EPM2A: variants seen among roughly 807,000 people sequenced by gnomAD.
The protein encoded by EPM2A is laforin.
In EPM2A, 21 loss-of-function variants were observed where a neutral mutation model predicts 26.5. That is an observed-to-expected ratio of 0.79 (90% confidence interval 0.56 to 1.14). EPM2A has a LOEUF of 1.14. EPM2A is among the 50% of genes most tolerant of loss of function. The pLI, the probability that EPM2A is intolerant of heterozygous loss-of-function variation, is 0.00. For missense variants in EPM2A, 458 were observed against 440.8 expected, an observed-to-expected ratio of 1.04 and a Z score of -0.35; for synonymous variants, 217 against 177.6, an observed-to-expected ratio of 1.22 and a Z score of -1.76.
chr6:145,580,775 G>T (rs774431461), intron 2 of EPM2A, among the ~76,000 whole-genome samples: 32 of 152,018 alleles, frequency 2.1e-4, no homozygotes, highest in Admixed American at 6.5e-4. Flanking sequence ...GTCGTATTTG[G>T]TTTCTGCTCC....
chr6:145,682,632 T>C (rs1780627559), intron 2 of EPM2A: 1 of 152,186 alleles, frequency 6.6e-6, no homozygotes, highest in African/African-American at 2.4e-5. Flanking sequence ...TGTCTCTCCA[T>C]TATTGATGGT....
intron 2 of EPM2A, among the ~76,000 whole-genome samples, chr6:145,595,381 T>A (rs1781328683): frequency 6.6e-6 from 1 of 151,750 alleles, no homozygotes; most frequent in Admixed American, 6.6e-5. Flanking sequence ...ACTATAGGAA[T>A]AGATATTTCT....
chr6:145,608,403 C>T (rs1267162410), intron 2 of EPM2A, among the ~76,000 whole-genome samples: 1 of 152,166 alleles, frequency 6.6e-6, no homozygotes, highest in African/African-American at 2.4e-5. Context: ...ATGTTAAAAA[C>T]TATTTCATTA....
intron 1 of EPM2A, among the ~76,000 whole-genome samples, chr6:145,719,640 T>C (rs914272958): frequency 6.6e-6 from 1 of 152,028 alleles, no homozygotes; most frequent in South Asian, 2.1e-4. Flanking sequence ...AATAAATAAA[T>C]AAAAACATTG....
At chr6:145,506,165 G>A (rs9403710) in intron 2 of EPM2A, among the ~76,000 whole-genome samples, 1 of 152,214 alleles carries the variant, frequency 6.6e-6, no homozygotes, top group East Asian at 1.9e-4. Context: ...TTGGTTTAGG[G>A]AGCATAGTTG....
chr6:145,450,767 T>C, intron 4 of EPM2A, among the ~76,000 whole-genome samples: 1 of 152,216 alleles, frequency 6.6e-6, no homozygotes. Context: ...TCCTCCTCTC[T>C]ATACCATGAC....
chr6:145,717,551 C>G (rs1445288245), intron 1 of EPM2A, among the ~76,000 whole-genome samples: 2 of 152,162 alleles, frequency 1.3e-5, no homozygotes, highest in Non-Finnish European at 2.9e-5. Context: ...CCTTTGAAAA[C>G]TGGCACAAGA....
intron 1 of EPM2A, among the ~76,000 whole-genome samples, chr6:145,718,846 T>C (rs773330962): frequency 2.0e-5 from 3 of 152,136 alleles, no homozygotes; most frequent in African/African-American, 7.2e-5. Flanking sequence ...AGAAGACATT[T>C]ATGCAGCCAA....
At chr6:145,440,150 T>A (rs1779043735) in intron 4 of EPM2A, among the ~76,000 whole-genome samples, 2 of 152,160 alleles carry the variant, frequency 1.3e-5, no homozygotes, top group South Asian at 4.1e-4. Context: ...TGTACTCAGC[T>A]CCACATGGCT....
At chr6:145,681,679 G>T (rs913413337) in intron 2 of EPM2A, among the ~76,000 whole-genome samples, 1 of 151,690 alleles carries the variant, frequency 6.6e-6, no homozygotes, top group Non-Finnish European at 1.5e-5. Context: ...TTTTTCTCAG[G>T]TTTGTTAAAG....
chr6:145,545,347 C>A (rs930067500), intron 2 of EPM2A, among the ~76,000 whole-genome samples: 7 of 152,050 alleles, frequency 4.6e-5, no homozygotes, highest in African/African-American at 1.4e-4. Context: ...GTCAAGAAGC[C>A]AAGTCAAATC....
At chr6:145,515,750 C>T (rs1488322155) in intron 2 of EPM2A, among the ~76,000 whole-genome samples, 1 of 152,182 alleles carries the variant, frequency 6.6e-6, no homozygotes, top group Admixed American at 6.5e-5. Context: ...TAAGGCACCA[C>T]AATTTATAGG....
At chr6:145,631,392 T>G (rs1357100805) in intron 3 of EPM2A, 1 of 152,098 alleles carries the variant, frequency 6.6e-6, no homozygotes, top group Admixed American at 6.5e-5. Flanking sequence ...ACATAAAGTA[T>G]TCCAAACTTT....
chr6:145,527,125 T>G (rs1707817376), intron 2 of EPM2A, among the ~76,000 whole-genome samples: 1 of 152,128 alleles, frequency 6.6e-6, no homozygotes, highest in Non-Finnish European at 1.5e-5. Flanking sequence ...GATTTCTATT[T>G]TATTCCACTG....
intron 2 of EPM2A, among the ~76,000 whole-genome samples, chr6:145,644,519 C>T (rs1777317622): frequency 6.6e-6 from 1 of 151,980 alleles, no homozygotes; most frequent in African/African-American, 2.4e-5. Flanking sequence ...TATGGGGCAT[C>T]AAATAATTTA....
At chr6:145,531,848 T>C (rs1780360544) in intron 2 of EPM2A, among the ~76,000 whole-genome samples, 1 of 152,098 alleles carries the variant, frequency 6.6e-6, no homozygotes, top group African/African-American at 2.4e-5. Flanking sequence ...TTTTTTATTC[T>C]CTCACTGTGC....
chr6:145,565,824 A>G (rs1041704253), intron 2 of EPM2A, among the ~76,000 whole-genome samples: 11 of 152,146 alleles, frequency 7.2e-5, no homozygotes, highest in Admixed American at 1.3e-4. Flanking sequence ...TGAATCCTCT[A>G]TGCGATGAGG....
chr6:145,673,145 T>C (rs368053012), intron 2 of EPM2A, among the ~76,000 whole-genome samples: 106 of 151,872 alleles, frequency 7.0e-4, no homozygotes, highest in African/African-American at 2.4e-3. Flanking sequence ...AAAAAAACAA[T>C]TGTTTGCTGT....
chr6:145,722,832 G>A (rs1246428309), intron 1 of EPM2A: 1 of 432,278 alleles, frequency 2.3e-6, no homozygotes, highest in Non-Finnish European at 4.6e-6. Flanking sequence ...AGAAGATGGT[G>A]TTAAGAGGCA....
Sources: gnomAD v4.1 joint callset for allele counts (sites outside exome capture counted in the v4.1 genomes callset) on GRCh38, gnomAD v4.1.1 for gene constraint, MANE v1.5 for transcripts, NCBI Gene and HGNC (gene_info 2026-07-23, HGNC 2026-07-21) for gene names.